Variants in TSPAN12 observed in about 807,000 individuals in gnomAD.
The protein encoded by TSPAN12 is tetraspanin-12.
Under a neutral mutation model 39.2 loss-of-function variants are expected in TSPAN12, and 19 were observed. That is an observed-to-expected ratio of 0.49 (90% CI 0.34 to 0.71). The LOEUF is 0.71. TSPAN12 is among the 30% of genes least tolerant of loss of function. TSPAN12 has a pLI of 0.01. For missense variants in TSPAN12, 314 were observed against 359.9 expected, an observed-to-expected ratio of 0.87 and a Z score of 1.03; for synonymous variants, 119 against 124.8, an observed-to-expected ratio of 0.95 and a Z score of 0.31.
At chr7:120,818,601 T>A (rs1794129296) in intron 4 of TSPAN12, among the ~76,000 whole-genome samples, 2 of 152,134 alleles carry the variant, frequency 1.3e-5, no homozygotes, top group Admixed American at 1.3e-4. Flanking sequence ...ATCATTACTA[T>A]TAGTTTTAAT....
At chr7:120,852,667 G>A (rs1401722711) in intron 2 of TSPAN12, among the ~76,000 whole-genome samples, 1 of 152,166 alleles carries the variant, frequency 6.6e-6, no homozygotes, top group African/African-American at 2.4e-5. Context: ...ATGAGCAGGT[G>A]GACAGCTAAT....
chr7:120,838,934 AT>A (rs1562951047), intron 3 of TSPAN12, 22 bp from the exon 4 acceptor site: 7 of 1,612,858 alleles, frequency 4.3e-6, no homozygotes, highest in Non-Finnish European at 5.9e-6. Context: ...AAAATAATGT[AT>A]TAGAAAGAAA....
intron 7 of TSPAN12, among the ~76,000 whole-genome samples, chr7:120,798,218 G>A (rs976074765): frequency 1.3e-5 from 2 of 152,114 alleles, no homozygotes; most frequent in African/African-American, 2.4e-5. Context: ...GTCCTGATTC[G>A]ATCAAGCAAA....
intron 4 of TSPAN12, among the ~76,000 whole-genome samples, chr7:120,832,777 G>A (rs1172126812): frequency 6.6e-6 from 1 of 152,010 alleles, no homozygotes; most frequent in Non-Finnish European, 1.5e-5. Flanking sequence ...AAGGTAAAAA[G>A]GAAAGGAGAA....
intron 2 of TSPAN12, among the ~76,000 whole-genome samples, chr7:120,846,741 C>G (rs897018065): frequency 6.6e-6 from 1 of 152,178 alleles, no homozygotes; most frequent in Non-Finnish European, 1.5e-5. Context: ...GGTTAATCAA[C>G]TTATCAGGGA....
intron 4 of TSPAN12, among the ~76,000 whole-genome samples, chr7:120,816,084 A>G (rs1794076168): frequency 6.6e-6 from 1 of 152,212 alleles, no homozygotes. Flanking sequence ...TACATGTTCT[A>G]GTTTGATAAA....
intron 2 of TSPAN12, among the ~76,000 whole-genome samples, chr7:120,853,872 C>CAAAAAAAAAAAAAAAA (rs749642006): frequency 1.0e-5 from 1 of 97,774 alleles, no homozygotes; most frequent in African/African-American, 3.8e-5. Context: ...GACTCCGTCC[C>CAAAAAAAAAAAAAAAA]AAAAAAAAAA....
chr7:120,815,262 T>C (rs1794057775), intron 5 of TSPAN12, among the ~76,000 whole-genome samples: 2 of 152,154 alleles, frequency 1.3e-5, no homozygotes, highest in Non-Finnish European at 2.9e-5. Flanking sequence ...AGCATAAACA[T>C]TCAAATTAAT....
At chr7:120,837,317 T>A (rs1794496251) in intron 4 of TSPAN12, among the ~76,000 whole-genome samples, 1 of 146,438 alleles carries the variant, frequency 6.8e-6, no homozygotes, top group Non-Finnish European at 1.5e-5. Flanking sequence ...ATTTATTTAT[T>A]TTTTTTTTTT....
intron 2 of TSPAN12, among the ~76,000 whole-genome samples, chr7:120,843,746 G>A (rs960443289): frequency 6.6e-6 from 1 of 152,148 alleles, no homozygotes; most frequent in African/African-American, 2.4e-5. Context: ...TGTTGGCCTT[G>A]GCATACCTAA....
chr7:120,848,675 C>G (rs900301745), intron 2 of TSPAN12, among the ~76,000 whole-genome samples: 1 of 152,082 alleles, frequency 6.6e-6, no homozygotes, highest in African/African-American at 2.4e-5. Context: ...TGCAGCTGTG[C>G]ACAGAACATT....
At chr7:120,804,893 G>A (rs1024693764) in intron 7 of TSPAN12, among the ~76,000 whole-genome samples, 4 of 152,020 alleles carry the variant, frequency 2.6e-5, no homozygotes, top group African/African-American at 7.2e-5. Context: ...TCTAAAAGAC[G>A]AGGAACCAGG....
intron 4 of TSPAN12, among the ~76,000 whole-genome samples, chr7:120,838,393 T>C (rs1446447160): frequency 1.3e-5 from 2 of 152,170 alleles, no homozygotes; most frequent in African/African-American, 2.4e-5. Flanking sequence ...CCTCACAACC[T>C]GAATTTCCAT....
rs1793440041 is a variant in TSPAN12 at position 120,787,929 on chromosome 7, A to G, written c.*663T>C. On this transcript the variant is annotated 3_prime_UTR_variant, in exon 8 of 8. Coordinates refer to ENST00000222747, the MANE Select transcript of TSPAN12 (RefSeq NM_012338.4). The stretch of plus-strand genomic sequence containing the variant: ...CTATACAGGACAAATTTTCCTTTTC[A>G]TAATGGTTATTCTTAACATTATCAG... 1 of 153,136 alleles carries G rather than the reference A, an allele frequency of 6.5e-6. No homozygotes were observed. Among genetic ancestry groups the G allele is most frequent in the Admixed American group, 6.5e-5 (1 of 15,318 alleles). The allele number at this position is 153,136 out of a possible 1,614,324, so 9.5% of individuals were successfully genotyped here.
chr7:120,831,196 G>A (rs1209270226), intron 4 of TSPAN12, among the ~76,000 whole-genome samples: 1 of 152,010 alleles, frequency 6.6e-6, no homozygotes, highest in Non-Finnish European at 1.5e-5. Flanking sequence ...CACTGTTTGA[G>A]TAAATATAAA....
At chr7:120,811,220 T>C (rs1218058742) in intron 5 of TSPAN12, among the ~76,000 whole-genome samples, 2 of 152,170 alleles carry the variant, frequency 1.3e-5, no homozygotes, top group Non-Finnish European at 2.9e-5. Context: ...GATCTACCAT[T>C]TGATCCAGCA....
intron 4 of TSPAN12, 67 bp downstream of exon 4, chr7:120,838,710 G>T: frequency 6.5e-7 from 1 of 1,534,366 alleles, no homozygotes. Context: ...CTTGTGAACT[G>T]ATTAAAAAAT....
At chr7:120,819,286 T>C (rs1295955985) in intron 4 of TSPAN12, among the ~76,000 whole-genome samples, 1 of 152,154 alleles carries the variant, frequency 6.6e-6, no homozygotes, top group Non-Finnish European at 1.5e-5. Flanking sequence ...TGACCGGTTT[T>C]ATAACCTTTT....
At chr7:120,794,662 G>C (rs1793596703) in intron 7 of TSPAN12, among the ~76,000 whole-genome samples, 1 of 152,110 alleles carries the variant, frequency 6.6e-6, no homozygotes, top group Non-Finnish European at 1.5e-5. Flanking sequence ...TTTATTTCTA[G>C]CAATGGAAGA....
Sources: gnomAD v4.1 joint callset for allele counts (sites outside exome capture counted in the v4.1 genomes callset) on GRCh38, gnomAD v4.1.1 for gene constraint, MANE v1.5 for transcripts, NCBI Gene and HGNC (gene_info 2026-07-23, HGNC 2026-07-21) for gene names.